The following DGKA variants were observed in gnomAD, a reference collection of about 807,000 sequenced individuals.
DGKA encodes diacylglycerol kinase alpha.
In DGKA, 35 loss-of-function variants were observed where a neutral mutation model predicts 105.0. The observed-to-expected ratio is 0.33, with a 90% CI of 0.25 to 0.44. The LOEUF is 0.44. Ranked by LOEUF, DGKA falls within the 20% of genes least tolerant of loss-of-function variation. DGKA has a pLI of 1.00. For synonymous variants in DGKA, 296 were observed against 332.0 expected (o/e 0.89, Z 1.18); for missense variants, 665 against 915.0 (o/e 0.73, Z 3.53).
chr12:55,938,721 C>G, intron 6 of DGKA, 161 bp downstream of exon 6: 1 of 1,552,516 alleles, frequency 6.4e-7, no homozygotes, highest in African/African-American at 1.4e-5. Context: ...CTCTTGACCC[C>G]TCAAAGAGAA....
At chr12:55,939,013 C>T (rs778530777) in intron 7 of DGKA, 24 bp downstream of exon 7, 1 of 1,613,926 alleles carries the variant, frequency 6.2e-7, no homozygotes. Flanking sequence ...TCCTTCATGT[C>T]CCTTCTTGTA....
chr12:55,951,708 G>A lies in DGKA; in HGVS notation c.1512G>A (p.Val504=). The change falls in exon 18 of 24, where the codon GTG becomes GTA. Residue 504 remains valine, a synonymous_variant. Coordinates refer to ENST00000331886, the MANE Select transcript of DGKA (RefSeq NM_001345.5). ...VVHMDRWSVE[V]IPQQTEEKSD... ...ATATGGATCGATGGTCTGTGGAGGT[G>A]ATACCTCAACAAACTGAAGAAAAAA... 1 of 1,613,810 alleles carries A rather than the reference G, an allele frequency of 6.2e-7. No individual in the cohort carries two copies. The highest frequency in any genetic ancestry group is 1.3e-5 in the African/African-American group (1 of 74,952).
rs768903529 is a variant in DGKA, at chr12:55,938,974, G to A, written c.459G>A (p.Val153=). The change falls in exon 7 of 24, where the codon GTG becomes GTA. Residue 153 remains valine, a synonymous_variant. Transcript: ENST00000331886. ...TGGCTGAATACCTGGATTGGGATGT[G>A]TCTGAGCTGAGGCCGGTAAGGCAGC... is the stretch of plus-strand genomic sequence containing the variant. The part of the protein sequence containing the change: ...MRVAEYLDWD[V]SELRPILQEM... The A allele has an allele frequency of 6.2e-6, 10 of 1,614,092 alleles. No individual in the cohort carries two copies. In the Admixed American group the frequency reaches 1.3e-4, roughly 22 times the overall value.
chr12:55,941,753 C>T (rs887611093), intron 15 of DGKA, among the ~76,000 whole-genome samples, 169 bp downstream of exon 15: 2 of 152,132 alleles, frequency 1.3e-5, no homozygotes, highest in Non-Finnish European at 2.9e-5. Flanking sequence ...TCCCATCCTC[C>T]GAGCTCTCTG....
upstream of DGKA, among the ~76,000 whole-genome samples, chr12:55,928,966 G>C (rs1005875077): frequency 2.6e-5 from 4 of 151,822 alleles, no homozygotes; most frequent in African/African-American, 4.8e-5. Context: ...GACCAGCCAT[G>C]GCCAACATGG....
At chr12:55,941,109 G>A (rs1885879442) in intron 13 of DGKA, 129 bp downstream of exon 13, 2 of 1,341,736 alleles carry the variant, frequency 1.5e-6, no homozygotes, top group Non-Finnish European at 2.1e-6. Context: ...CTCCACCATG[G>A]TAGGGGAGGG....
Position 55,940,735 on chromosome 12 carries a change from G to A in DGKA, c.1017+13G>A. ...TCCCAGTGTCCTGGTGAGACCCTCGGCAGCAGCGGGGAGGGGACAGGAGTG... is the reference window on the plus strand; with the variant it reads ...TCCCAGTGTCCTGGTGAGACCCTCGACAGCAGCGGGGAGGGGACAGGAGTG... On this transcript the variant is annotated intron_variant, in intron 12 of 23. Coordinates refer to ENST00000331886, the MANE Select transcript of DGKA (RefSeq NM_001345.5). This position sits in a 1 kb window ranked among gnomAD's most constrained non-coding sequence, Gnocchi z 4.3. 5.6e-6 allele frequency: 9 copies of A among 1,612,380 alleles called. No individual in the cohort carries two copies. The highest frequency in any genetic ancestry group is 7.6e-6 in the Non-Finnish European group (9 of 1,179,466).
At chr12:55,941,104 C>T (rs1885876518) in intron 13 of DGKA, 124 bp downstream of exon 13, 2 of 1,355,294 alleles carry the variant, frequency 1.5e-6, no homozygotes, top group Non-Finnish European at 2.0e-6. Context: ...AGAAACTCCA[C>T]CATGGTAGGG....
rs1253086857 is a variant in DGKA, at chr12:55,935,990, G to GAACTGCC, written c.-81-432_-81-426dup. On this transcript the variant is annotated intron_variant, in intron 1 of 23. Coordinates refer to ENST00000331886, the MANE Select transcript of DGKA (RefSeq NM_001345.5). ...GTCACTCAGAGGGCCGGAACTGCCG[G>GAACTGCC]AACTGCCGAAGACCCGAGATGGGAG... The GAACTGCC allele has an allele frequency of 2.1e-4, 205 of 989,574 alleles. No homozygotes were observed. The African/African-American group carries it at 3.5e-3, about 17-fold the overall frequency. 61.3% of individuals were successfully genotyped at this position (989,574 alleles called of 1,614,324 possible).
Position 55,942,244 on chromosome 12 carries a change from A to G in DGKA, c.1407A>G (p.Arg469=), listed in dbSNP as rs984520457. 1 of 1,614,090 alleles carries G rather than the reference A, an allele frequency of 6.2e-7. No individual in the cohort carries two copies. The highest frequency in any genetic ancestry group is 1.3e-5 in the African/African-American group (1 of 74,940). Reference sequence around the variant, plus strand: ...TGGGTACTGGAAATGATCTGGCTCGATGCCTAAGATGGGGAGGAGGTAAGT... The same window carrying G: ...TGGGTACTGGAAATGATCTGGCTCGGTGCCTAAGATGGGGAGGAGGTAAGT... ...LPLGTGNDLA[R]CLRWGGGYEG... The change falls in exon 17 of 24, where the codon CGA becomes CGG. Residue 469 remains arginine, a synonymous_variant. Coordinates refer to ENST00000331886, the MANE Select transcript of DGKA (RefSeq NM_001345.5).
chr12:55,932,224 T>G lies in DGKA; in HGVS notation c.-82+880T>G. On this transcript the variant is annotated intron_variant, in intron 1 of 23. Transcript: ENST00000331886. This position sits in a 1 kb window ranked among gnomAD's most constrained non-coding sequence, Gnocchi z 4.3. ...CACGGGCTGCGTTCGTGCTGCTGGGTCGGGAAGGAGGAAGCGTGACAGCTG... is the reference window on the plus strand; with the variant it reads ...CACGGGCTGCGTTCGTGCTGCTGGGGCGGGAAGGAGGAAGCGTGACAGCTG... The G allele has an allele frequency of 9.0e-6, 3 of 334,334 alleles. No individual in the cohort carries two copies. Among genetic ancestry groups the G allele is most frequent in the South Asian group, 3.0e-5 (1 of 33,414 alleles). 20.7% of individuals were successfully genotyped at this position (334,334 alleles called of 1,614,324 possible). A position where few individuals can be genotyped will look rare whatever the true frequency, so the allele number is the denominator to read the frequency against.
At chr12:55,937,609 G>A in intron 4 of DGKA, 66 bp downstream of exon 4, 1 of 1,575,428 alleles carries the variant, frequency 6.3e-7, no homozygotes, top group South Asian at 1.1e-5. Context: ...ATGGATTTGG[G>A]GTTGAGAATT....
At chr12:55,951,587 C>A (rs1387050996) in intron 17 of DGKA, 36 bp from the exon 18 acceptor site, 1 of 1,597,154 alleles carries the variant, frequency 6.3e-7, no homozygotes, top group South Asian at 1.1e-5. Flanking sequence ...CTCTGGGACC[C>A]AGAGCTCAGT....
At chr12:55,937,828 C>A in intron 4 of DGKA, 150 bp from the exon 5 acceptor site, 1 of 761,824 alleles carries the variant, frequency 1.3e-6, no homozygotes, top group Non-Finnish European at 2.2e-6. Flanking sequence ...TGCCACTGCA[C>A]TCCAGCCTCA....
chr12:55,939,657 T>C, intron 9 of DGKA, 128 bp downstream of exon 9: 1 of 827,366 alleles, frequency 1.2e-6, no homozygotes, highest in South Asian at 1.7e-5. Flanking sequence ...TTATGTGACC[T>C]TGGGAAAGCC....
intron 1 of DGKA, chr12:55,935,993 C>A (rs1294165338): frequency 1.0e-6 from 1 of 989,208 alleles, no homozygotes; most frequent in African/African-American, 1.7e-5. Flanking sequence ...ACTGCCGGAA[C>A]TGCCGAAGAC....
At chr12:55,929,410 G>A (rs950807287), upstream of DGKA, 2 of 152,254 alleles carry the variant, frequency 1.3e-5, no homozygotes, top group African/African-American at 4.8e-5. Flanking sequence ...CTTTGTGCAG[G>A]AGGGAAACCT....
intron 17 of DGKA, among the ~76,000 whole-genome samples, chr12:55,949,891 C>T (rs1487408496): frequency 6.6e-6 from 1 of 152,028 alleles, no homozygotes; most frequent in African/African-American, 2.4e-5. Flanking sequence ...GCTCACAGCT[C>T]ACCACAGCCT....
At chr12:55,946,940 G>A (rs894488264) in intron 17 of DGKA, among the ~76,000 whole-genome samples, 1 of 151,802 alleles carries the variant, frequency 6.6e-6, no homozygotes. Context: ...GTGTGAGGAA[G>A]TGGAGACTTT....
Sources: allele counts gnomAD v4.1 joint callset (sites outside exome capture counted in the v4.1 genomes callset), GRCh38; gene constraint gnomAD v4.1.1; non-coding constraint Gnocchi (gnomAD v3.1); transcripts MANE v1.5; gene names NCBI Gene and HGNC (gene_info 2026-07-23, HGNC 2026-07-21).